Variants in SLC9B1 observed in about 807,000 individuals in gnomAD.
The protein encoded by SLC9B1 is sodium/hydrogen exchanger 9B1.
Under a neutral mutation model 51.7 loss-of-function variants are expected in SLC9B1, and 32 were observed. That is an observed-to-expected ratio of 0.62 (90% CI 0.47 to 0.83). The LOEUF (loss-of-function observed/expected upper bound fraction) is 0.83, where lower values mean the gene tolerates loss of function less well. SLC9B1 is among the 40% of genes least tolerant of loss of function. SLC9B1 has a pLI of 0.00. For missense variants in SLC9B1, 406 were observed against 613.2 expected, an observed-to-expected ratio of 0.66 and a Z score of 3.57; for synonymous variants, 145 against 212.7, an observed-to-expected ratio of 0.68 and a Z score of 2.77.
intron 3 of SLC9B1, among the ~76,000 whole-genome samples, chr4:102,966,822 C>T (rs1738453531): frequency 6.6e-6 from 1 of 152,170 alleles, no homozygotes; most frequent in African/African-American, 2.4e-5. Flanking sequence ...CATTCTCTAC[C>T]ACATGGCCAG....
chr4:102,904,283 C>T (rs879427094), intron 11 of SLC9B1, among the ~76,000 whole-genome samples: 1 of 152,096 alleles, frequency 6.6e-6, no homozygotes, highest in Admixed American at 6.5e-5. Context: ...TGGTCTTGAA[C>T]TCCTGAGCTC....
intron 1 of SLC9B1, among the ~76,000 whole-genome samples, chr4:103,015,350 CAAA>C (rs1462768279): frequency 1.3e-5 from 2 of 149,798 alleles, no homozygotes; most frequent in African/African-American, 4.9e-5. Context: ...GTAGGTGGCA[CAAA>C]AGAGTAATGC....
chr4:102,934,990 C>A (rs868308304), intron 6 of SLC9B1, among the ~76,000 whole-genome samples: 2 of 151,768 alleles, frequency 1.3e-5, no homozygotes, highest in South Asian at 4.1e-4. Context: ...TTTTCAAAGT[C>A]AAGTGAATGG....
Position 103,010,065 on chromosome 4 carries a change from T to C in SLC9B1, c.-2+9534A>G, listed in dbSNP as rs149888242. The stretch of plus-strand genomic sequence containing the variant: ...GGATTTGATCTCATTAGTCAGATAG[T>C]ACCTTGATTTTAAACCGTTTTCGGG... On this transcript the variant is annotated intron_variant, in intron 1 of 11. Transcript: ENST00000296422. Among the ~76,000 whole-genome samples the C allele has an allele frequency of 1.2e-4, 19 of 152,374 alleles. No homozygotes were observed. The East Asian group carries it at 3.7e-3, about 29-fold the overall frequency.
intron 6 of SLC9B1, among the ~76,000 whole-genome samples, chr4:102,943,385 T>C (rs928391936): frequency 6.6e-6 from 1 of 152,180 alleles, no homozygotes; most frequent in Non-Finnish European, 1.5e-5. Flanking sequence ...CACGCATGTT[T>C]ATTGCAGCAC....
At chr4:102,916,894 A>C (rs542989524) in intron 7 of SLC9B1, among the ~76,000 whole-genome samples, 51 of 152,220 alleles carry the variant, frequency 3.4e-4, no homozygotes, top group Non-Finnish European at 5.3e-4. Context: ...ATGCCTGATG[A>C]AGCACTGAGT....
chr4:102,966,976 G>C (rs1738462352), intron 3 of SLC9B1, among the ~76,000 whole-genome samples: 1 of 152,096 alleles, frequency 6.6e-6, no homozygotes, highest in Non-Finnish European at 1.5e-5. Context: ...TCTTAAGTTT[G>C]GCCTTCCACA....
At chr4:103,006,270 GA>G (rs1428639990) in intron 1 of SLC9B1, among the ~76,000 whole-genome samples, 6 of 151,294 alleles carry the variant, frequency 4.0e-5, no homozygotes, top group Non-Finnish European at 8.9e-5. Context: ...GACTAACAAA[GA>G]AAAAAAGAGA....
chr4:102,933,302 A>G (rs1164644693), intron 6 of SLC9B1, among the ~76,000 whole-genome samples: 1 of 152,066 alleles, frequency 6.6e-6, no homozygotes, highest in Non-Finnish European at 1.5e-5. Context: ...TGAGTGTCTA[A>G]TAGTTTAGCC....
At chr4:102,962,025 G>A (rs1738163649) in intron 3 of SLC9B1, 2 of 300,612 alleles carry the variant, frequency 6.7e-6, no homozygotes, top group Non-Finnish European at 1.3e-5. Context: ...TGCCCACCCT[G>A]GCTCCTCCAT....
chr4:102,990,645 T>C (rs564281867), intron 2 of SLC9B1, among the ~76,000 whole-genome samples: 102 of 151,930 alleles, frequency 6.7e-4, no homozygotes, highest in Middle Eastern at 3.4e-3. Context: ...CAAATTTGCC[T>C]TATGATTGTC....
intron 6 of SLC9B1, among the ~76,000 whole-genome samples, chr4:102,935,644 A>G (rs948599366): frequency 6.6e-6 from 1 of 152,254 alleles, no homozygotes; most frequent in African/African-American, 2.4e-5. Context: ...ACTATTGTTA[A>G]GTGAAAAGAA....
chr4:102,945,880 A>G (rs1578369501), intron 5 of SLC9B1, among the ~76,000 whole-genome samples: 2 of 152,134 alleles, frequency 1.3e-5, no homozygotes, highest in African/African-American at 4.8e-5. Flanking sequence ...AGTGGCTGTC[A>G]TATTCATGAA....
chr4:103,015,437 T>C (rs986549383), intron 1 of SLC9B1, among the ~76,000 whole-genome samples: 2 of 152,160 alleles, frequency 1.3e-5, no homozygotes, highest in African/African-American at 4.8e-5. Context: ...AATACTAATT[T>C]AGCTACTAAT....
At chr4:103,012,374 T>C (rs1741127122) in intron 1 of SLC9B1, among the ~76,000 whole-genome samples, 1 of 152,200 alleles carries the variant, frequency 6.6e-6, no homozygotes, top group Non-Finnish European at 1.5e-5. Context: ...GTCTTTACTC[T>C]CCACATTTCT....
downstream of SLC9B1, chr4:102,898,253 G>A (rs1734627240): frequency 2.0e-6 from 1 of 494,194 alleles, no homozygotes. Context: ...ACTGATCAGG[G>A]ACCACAGAAA....
intron 3 of SLC9B1, among the ~76,000 whole-genome samples, chr4:102,977,654 C>T (rs1739145077): frequency 6.6e-6 from 1 of 152,120 alleles, no homozygotes; most frequent in Non-Finnish European, 1.5e-5. Context: ...TTTTTTCTAA[C>T]AACCAGAAAA....
chr4:102,984,407 T>C lies in SLC9B1; in HGVS notation c.211+5393A>G, dbSNP rs79623494. 2.3e-3 allele frequency among the ~76,000 whole-genome samples: 357 copies of C among 152,292 alleles called. 2 individuals are homozygous for C. The highest frequency in any genetic ancestry group is 8.0e-3 in the African/African-American group (333 of 41,566). ...CTGGGATTACAGGTGTGAGCCAACA[T>C]GTCTGGCTGTTCAAAGTATTTTTAC... On this transcript the variant is annotated intron_variant, in intron 3 of 11. Coordinates refer to ENST00000296422, the MANE Select transcript of SLC9B1 (RefSeq NM_139173.4).
At chr4:102,980,475 AGCAAACTAAT>A (rs1020634373) in intron 3 of SLC9B1, among the ~76,000 whole-genome samples, 1 of 152,242 alleles carries the variant, frequency 6.6e-6, no homozygotes, top group African/African-American at 2.4e-5. Flanking sequence ...TGTTATCTTC[AGCAAACTAAT>A]GCAGAAACAG....
Sources: allele counts gnomAD v4.1 joint callset (sites outside exome capture counted in the v4.1 genomes callset), GRCh38; gene constraint gnomAD v4.1.1; transcripts MANE v1.5; gene names NCBI Gene and HGNC (gene_info 2026-07-23, HGNC 2026-07-21).